Variants in CUBN observed in about 807,000 individuals in gnomAD.
The protein encoded by CUBN is 460 kDa receptor.
Under a neutral mutation model 405.3 loss-of-function variants are expected in CUBN, and 282 were observed. The observed-to-expected ratio is 0.70, with a 90% CI of 0.63 to 0.77. The LOEUF (loss-of-function observed/expected upper bound fraction) is 0.77, where lower values mean the gene tolerates loss of function less well. Among genes scored for constraint, CUBN ranks in the 30% least tolerant of loss-of-function variants. The probability of loss-of-function intolerance (pLI) is 0.00; values close to 1 mark genes in which losing one functional copy is unlikely to be tolerated. For synonymous variants in CUBN, 1,684 were observed against 1,617.0 expected, an observed-to-expected ratio of 1.04 and a Z score of -0.99; for missense variants, 4,514 against 4,475.2, an observed-to-expected ratio of 1.01 and a Z score of -0.25.
chr10:16,986,781 G>C (rs1335309647), intron 29 of CUBN, among the ~76,000 whole-genome samples: 1 of 152,160 alleles, frequency 6.6e-6, no homozygotes, highest in Non-Finnish European at 1.5e-5. Flanking sequence ...CCCACAGCAT[G>C]AAACTGACAG....
In CUBN at chr10:17,129,718, T is replaced by C. The variant is rs948295707; in HGVS notation, c.48A>G (p.Leu16=). 2 of 1,613,954 alleles carry C rather than the reference T, an allele frequency of 1.2e-6. No homozygotes were observed. Among genetic ancestry groups the C allele is most frequent in the African/African-American group, 1.3e-5 (1 of 74,936 alleles). Residue 16 remains leucine (L), a synonymous_variant, in exon 1 of 67, where the codon TTA becomes TTG. Coordinates refer to ENST00000377833, the MANE Select transcript of CUBN (RefSeq NM_001081.4). ...LPFLWSLLTL[L]IFAEVNGEAG... is the part of the protein sequence containing the mutation. ...CTTCGCCATTTACTTCAGCAAATATTAATAAGGTAAGCAAACTCCAAAGAA... is the reference window on the plus strand; with the variant it reads ...CTTCGCCATTTACTTCAGCAAATATCAATAAGGTAAGCAAACTCCAAAGAA...
chr10:16,896,652 T>C (rs551184458), intron 54 of CUBN, among the ~76,000 whole-genome samples: 1 of 152,338 alleles, frequency 6.6e-6, no homozygotes, highest in African/African-American at 2.4e-5. Context: ...CATTTCTTTG[T>C]GTTTATCTTG....
At chr10:16,901,522 A>G in intron 51 of CUBN, 63 bp from the exon 52 acceptor site, 1 of 1,593,200 alleles carries the variant, frequency 6.3e-7, no homozygotes. Context: ...GATAATGCCA[A>G]AGTAAGTAGT....
At position 17,025,966 on chromosome 10, in the gene CUBN, C is replaced by T. The variant is rs1032044095; in HGVS notation, c.4018-5983G>A. On this transcript the variant is annotated intron_variant, in intron 27 of 66. Coordinates refer to ENST00000377833, the MANE Select transcript of CUBN (RefSeq NM_001081.4). ...AAACCAGAGGCTGTTAAGGCTGCCA[C>T]GGTGAGGTGGATAGAGTCCACTGGC... Among the ~76,000 whole-genome samples the T allele has an allele frequency of 8.5e-5, 13 of 152,282 alleles. No individual in the cohort carries two copies. The East Asian group carries it at 1.7e-3, about 20-fold the overall frequency.
intron 10 of CUBN, among the ~76,000 whole-genome samples, chr10:17,107,576 T>C (rs1836666097): frequency 2.1e-5 from 3 of 145,784 alleles, no homozygotes; most frequent in East Asian, 4.2e-4. Flanking sequence ...CAGCTCACTG[T>C]AAGCTCCGCC....
intron 65 of CUBN, among the ~76,000 whole-genome samples, chr10:16,830,330 A>G (rs937251776): frequency 6.6e-6 from 1 of 152,190 alleles, no homozygotes; most frequent in African/African-American, 2.4e-5. Context: ...GATTATCTTT[A>G]TAGAACGCTT....
chr10:17,106,875 A>G (rs1168023109), intron 10 of CUBN, among the ~76,000 whole-genome samples: 1 of 152,232 alleles, frequency 6.6e-6, no homozygotes, highest in African/African-American at 2.4e-5. Flanking sequence ...CACAGAATGA[A>G]CTTAAGTCTC....
rs773850542 is a variant in CUBN at position 16,906,381 on chromosome 10, A to G, written c.7734T>C (p.Pro2578=). ...AGCCAGGAGAAGTAAAGTTTCCTTC[A>G]GGAGTATTTGGAAGAGACCCACCAC... ...AVCGGSLPNT[P]EGNFTSPGYD... Residue 2578 remains proline (P), a synonymous_variant, in exon 50 of 67, where the codon CCT becomes CCC. Coordinates refer to ENST00000377833, the MANE Select transcript of CUBN (RefSeq NM_001081.4). The G allele has an allele frequency of 3.7e-6, 6 of 1,613,968 alleles. No individual in the cohort carries two copies. The East Asian group carries it at 8.9e-5, about 24-fold the overall frequency.
intron 28 of CUBN, among the ~76,000 whole-genome samples, chr10:17,009,317 A>G (rs950510977): frequency 1.1e-4 from 17 of 152,240 alleles, no homozygotes; most frequent in African/African-American, 3.9e-4. Flanking sequence ...AATAGTAAAC[A>G]GGAAAGCAGA....
chr10:16,853,897 AATTT>A (rs1362951093), intron 59 of CUBN, among the ~76,000 whole-genome samples: 1 of 152,206 alleles, frequency 6.6e-6, no homozygotes, highest in Non-Finnish European at 1.5e-5. Flanking sequence ...TGGATTGATA[AATTT>A]ATTTATTACA....
chr10:16,915,805 G>C lies in CUBN; in HGVS notation c.7210+16C>G. 6.3e-7 allele frequency: 1 copy of C among 1,594,366 alleles called. No individual in the cohort carries two copies. Among genetic ancestry groups the C allele is most frequent in the Non-Finnish European group, 8.6e-7 (1 of 1,163,562 alleles). On this transcript the variant is annotated intron_variant, in intron 46 of 66. Transcript: ENST00000377833. ...GAAAATAAACACCCAAAAGAGAGCA[G>C]ATATATTTTACTAACCAGAGGTATG...
chr10:17,125,046 G>A (rs1837141887), intron 4 of CUBN, among the ~76,000 whole-genome samples: 4 of 151,362 alleles, frequency 2.6e-5, no homozygotes, highest in Admixed American at 2.6e-4. Context: ...TGACCAGGCT[G>A]ATCTCAAACT....
rs17343073 is a variant in CUBN at position 16,890,197 on chromosome 10, A to T, written c.8755+174T>A. ...TGGCTTTTATATCACTTCTCAATTC[A>T]GTTCTGTTCTCACTGCTATTTGGAA... On this transcript the variant is annotated intron_variant, in intron 55 of 66. Transcript: ENST00000377833. Among the ~76,000 whole-genome samples the T allele has an allele frequency of 0.082, 12,433 of 152,044 alleles. 563 individuals are homozygous for T. Among genetic ancestry groups the T allele is most frequent in the South Asian group, 0.12 (588 of 4,812 alleles).
chr10:16,835,296 T>C, intron 63 of CUBN, 101 bp from the exon 64 acceptor site: 1 of 1,114,702 alleles, frequency 9.0e-7, no homozygotes. Context: ...TTTGATAAAC[T>C]TTAGAAAAAA....
At chr10:16,826,575 T>C (rs1332835892) in intron 66 of CUBN, among the ~76,000 whole-genome samples, 1 of 152,052 alleles carries the variant, frequency 6.6e-6, no homozygotes, top group Non-Finnish European at 1.5e-5. Flanking sequence ...GTGGTACCTT[T>C]AAGAAAAAAA....
At chr10:16,885,878 A>T (rs78936062) in intron 56 of CUBN, among the ~76,000 whole-genome samples, 12,572 of 152,296 alleles carry the variant, frequency 0.083, 575 homozygotes, top group South Asian at 0.13. Flanking sequence ...AATTGTCCTA[A>T]TTATAAAAAT....
At position 16,915,913 on chromosome 10, in the gene CUBN, T is replaced by A. The variant is rs1318377336; in HGVS notation, c.7118A>T (p.His2373Leu). Residue 2373 changes from histidine to leucine, a missense_variant, in exon 46 of 67, where the codon CAC becomes CTC. His to Leu is a moderately conservative substitution (Grantham distance 99). Transcript: ENST00000377833. ...GTCTTCAAAAGAGATGGTGAGATAGTGTCCAGAGAGCCCCTGGAGATGCCA... is the reference window on the plus strand; with the variant it reads ...GTCTTCAAAAGAGATGGTGAGATAGAGTCCAGAGAGCCCCTGGAGATGCCA... The part of the protein sequence containing the change: ...CEWHLQGLSG[H>L]YLTISFEDFN... The A allele has an allele frequency of 6.2e-7, 1 of 1,614,186 alleles. No individual in the cohort carries two copies. Among genetic ancestry groups the A allele is most frequent in the East Asian group, 2.2e-5 (1 of 44,888 alleles).
chr10:17,076,908 G>T (rs539764734), intron 17 of CUBN, among the ~76,000 whole-genome samples: 1 of 152,150 alleles, frequency 6.6e-6, no homozygotes, highest in Admixed American at 6.5e-5. Flanking sequence ...AGCCACAGAC[G>T]CTTTTGGTTT....
At chr10:16,838,668 G>A (rs762412962) in intron 62 of CUBN, among the ~76,000 whole-genome samples, 2 of 152,150 alleles carry the variant, frequency 1.3e-5, no homozygotes, top group African/African-American at 4.8e-5. Context: ...TTGTTGAGAC[G>A]AAGTCTCACT....
Sources: allele counts gnomAD v4.1 joint callset (sites outside exome capture counted in the v4.1 genomes callset), GRCh38; gene constraint gnomAD v4.1.1; transcripts MANE v1.5; gene names NCBI Gene and HGNC (gene_info 2026-07-23, HGNC 2026-07-21).